The following TTYH3 variants were observed in gnomAD, a reference collection of about 807,000 sequenced individuals.
TTYH3 encodes the protein tweety family member 3.
Under a neutral mutation model 68.2 loss-of-function variants are expected in TTYH3, and 23 were observed. That is an observed-to-expected ratio of 0.34 (90% CI 0.24 to 0.48). The LOEUF (loss-of-function observed/expected upper bound fraction) is 0.48, where lower values mean the gene tolerates loss of function less well. Ranked by LOEUF, TTYH3 falls within the 20% of genes least tolerant of loss-of-function variation. The pLI is 0.99. For missense variants in TTYH3, 768 were observed against 727.7 expected, an observed-to-expected ratio of 1.06 and a Z score of -0.64; for synonymous variants, 360 against 332.8, an observed-to-expected ratio of 1.08 and a Z score of -0.89.
At position 2,661,962 on chromosome 7, in the gene TTYH3, TGCCAGCCGATGC is replaced by T; in HGVS notation, c.*224_*235del. 1.7e-6 allele frequency: 1 copy of T among 605,426 alleles called. No homozygotes were observed. The highest frequency in any genetic ancestry group is 2.9e-6 in the Non-Finnish European group (1 of 340,510). The allele number at this position is 605,426 out of a possible 1,614,324, so 37.5% of individuals were successfully genotyped here. A position where few individuals can be genotyped will look rare whatever the true frequency, so the allele number is the denominator to read the frequency against. On this transcript the variant is annotated 3_prime_UTR_variant, in exon 14 of 14. Transcript: ENST00000258796. ...AACTCGGGTCACACCTGAACGCTGC[TGCCAGCCGATGC>T]CCCAGCCCTGCACGCCACCCACTAT...
intron 1 of TTYH3, among the ~76,000 whole-genome samples, chr7:2,638,270 GGT>G (rs893086717): frequency 2.0e-5 from 3 of 152,132 alleles, no homozygotes; most frequent in African/African-American, 7.2e-5. Context: ...GGATTTTCCG[GGT>G]GTCACGCTGG....
chr7:2,639,023 C>G lies in TTYH3; in HGVS notation c.123+6745C>G, dbSNP rs867447327. Reference sequence around the variant, plus strand: ...CCTTTCCTGACCCTGGCCCAGGACACCTGGGGGGTTCTCACAGTGCTGGGG... The same window carrying G: ...CCTTTCCTGACCCTGGCCCAGGACAGCTGGGGGGTTCTCACAGTGCTGGGG... On this transcript the variant is annotated intron_variant, in intron 1 of 13. Coordinates refer to ENST00000258796, the MANE Select transcript of TTYH3 (RefSeq NM_025250.3). 6.6e-5 allele frequency among the ~76,000 whole-genome samples: 10 copies of G among 152,252 alleles called. 1 individual carries two copies. In the Middle Eastern group the frequency reaches 0.01, roughly 155 times the overall value.
intron 11 of TTYH3, among the ~76,000 whole-genome samples, 187 bp from the exon 12 acceptor site, chr7:2,658,099 C>T (rs573066590): frequency 3.3e-5 from 5 of 152,362 alleles, no homozygotes; most frequent in Admixed American, 2.6e-4. Context: ...CATAGCACCC[C>T]ACCTCGCAAG....
chr7:2,647,578 G>A lies in TTYH3; in HGVS notation c.566G>A (p.Arg189Lys). The change falls in exon 4 of 14, where the codon AGG becomes AAG. Residue 189 changes from arginine to lysine, a missense_variant. Transcript: ENST00000258796. ...TACACGGCCGCCATCCCCTTTTGGA[G>A]GAACACGGCGGTGTCGCTGGAGGTG... is the stretch of plus-strand genomic sequence containing the variant. ...LGYTAAIPFW[R>K]NTAVSLEVLA... is the part of the protein sequence containing the mutation. 2.5e-6 allele frequency: 4 copies of A among 1,571,608 alleles called. No homozygotes were observed. The highest frequency in any genetic ancestry group is 3.5e-6 in the Non-Finnish European group (4 of 1,159,392).
chr7:2,661,812 G>A lies in TTYH3; in HGVS notation c.*73G>A. ...TGCCAGCACTGCCGCTTCCACCTGG[G>A]CCACCCACCGGACCCTCGCACGCCG... is the stretch of plus-strand genomic sequence containing the variant. On this transcript the variant is annotated 3_prime_UTR_variant, in exon 14 of 14. Transcript: ENST00000258796. 2.0e-6 allele frequency: 3 copies of A among 1,499,300 alleles called. No individual in the cohort carries two copies. The South Asian group carries it at 3.6e-5, about 18-fold the overall frequency. The allele number at this position is 1,499,300 out of a possible 1,614,324, so 92.9% of individuals were successfully genotyped here.
In TTYH3 at chr7:2,656,189, G is replaced by A; in HGVS notation, c.1113+5G>A. ...GACTGCCGCAGCCTGCATCTGGTGA[G>A]AGGCAGGGCCTGGGACAGGGCCATG... is the stretch of plus-strand genomic sequence containing the variant. On this transcript the variant is annotated splice_donor_5th_base_variant and intron_variant, in intron 10 of 13. Coordinates refer to ENST00000258796, the MANE Select transcript of TTYH3 (RefSeq NM_025250.3). The A allele has an allele frequency of 6.4e-7, 1 of 1,563,882 alleles. No individual in the cohort carries two copies. Among genetic ancestry groups the A allele is most frequent in the Non-Finnish European group, 8.7e-7 (1 of 1,154,234 alleles).
In TTYH3 at chr7:2,661,955, A is replaced by G; in HGVS notation, c.*216A>G. On this transcript the variant is annotated 3_prime_UTR_variant, in exon 14 of 14. Coordinates refer to ENST00000258796, the MANE Select transcript of TTYH3 (RefSeq NM_025250.3). ...TACCGCCAACTCGGGTCACACCTGAACGCTGCTGCCAGCCGATGCCCCAGC... is the reference window on the plus strand; with the variant it reads ...TACCGCCAACTCGGGTCACACCTGAGCGCTGCTGCCAGCCGATGCCCCAGC... 1.6e-6 allele frequency: 1 copy of G among 611,450 alleles called. No individual in the cohort carries two copies. The highest frequency in any genetic ancestry group is 2.9e-6 in the Non-Finnish European group (1 of 344,976). The allele number at this position is 611,450 out of a possible 1,614,324, so 37.9% of individuals were successfully genotyped here.
At chr7:2,660,562 C>G (rs977980196) in intron 13 of TTYH3, 1 of 984,356 alleles carries the variant, frequency 1.0e-6, no homozygotes. Flanking sequence ...CCAGTCCCGC[C>G]CCGTCCCGCC....
chr7:2,661,803 T>G lies in TTYH3; in HGVS notation c.*64T>G. 1 of 1,531,046 alleles carries G rather than the reference T, an allele frequency of 6.5e-7. No individual in the cohort carries two copies. The highest frequency in any genetic ancestry group is 8.8e-7 in the Non-Finnish European group (1 of 1,132,166). 94.8% of individuals were successfully genotyped at this position (1,531,046 alleles called of 1,614,324 possible). A position where few individuals can be genotyped will look rare whatever the true frequency, so the allele number is the denominator to read the frequency against. ...CCCTCCCCGTGCCAGCACTGCCGCT[T>G]CCACCTGGGCCACCCACCGGACCCT... On this transcript the variant is annotated 3_prime_UTR_variant, in exon 14 of 14. Transcript: ENST00000258796.
At chr7:2,643,980 G>A (rs1264744298) in intron 1 of TTYH3, among the ~76,000 whole-genome samples, 3 of 152,180 alleles carry the variant, frequency 2.0e-5, no homozygotes, top group Non-Finnish European at 4.4e-5. Context: ...GGTCGGGGGA[G>A]CGAGGGTGAC....
At chr7:2,640,447 C>T (rs573991108) in intron 1 of TTYH3, among the ~76,000 whole-genome samples, 3 of 152,268 alleles carry the variant, frequency 2.0e-5, no homozygotes, top group African/African-American at 7.2e-5. Context: ...ACTTGCTGTG[C>T]ACCCTCCCGA....
chr7:2,652,902 C>T lies in TTYH3; in HGVS notation c.928-16C>T, dbSNP rs1786227435. On this transcript the variant is annotated splice_polypyrimidine_tract_variant and intron_variant, in intron 8 of 13. Transcript: ENST00000258796. ...ACCCAGCAGCGCCCATGGACTTGGT[C>T]TCCTCTCTGGAGCAGAAGCTGTCGG... 6.4e-7 allele frequency: 1 copy of T among 1,551,512 alleles called. No individual in the cohort carries two copies. Among genetic ancestry groups the T allele is most frequent in the Non-Finnish European group, 8.7e-7 (1 of 1,146,452 alleles).
intron 1 of TTYH3, among the ~76,000 whole-genome samples, chr7:2,642,360 G>A (rs778402167): frequency 1.3e-5 from 2 of 152,010 alleles, no homozygotes; most frequent in African/African-American, 4.8e-5. Flanking sequence ...GGCCAACGTG[G>A]TGAACTCCCC....
intron 1 of TTYH3, among the ~76,000 whole-genome samples, chr7:2,639,337 T>C (rs1785766162): frequency 6.6e-6 from 1 of 152,214 alleles, no homozygotes; most frequent in Non-Finnish European, 1.5e-5. Context: ...CTGGACCCTG[T>C]GCCAGGCCTT....
intron 7 of TTYH3, 85 bp from the exon 8 acceptor site, chr7:2,652,102 A>G (rs35868808): frequency 0.25 from 286,554 of 1,154,752 alleles, 36,431 homozygotes; most frequent in African/African-American, 0.29. Context: ...TGCCCTGAAG[A>G]TATGCGTGCA....
chr7:2,650,350 G>A (rs989318588), intron 7 of TTYH3, among the ~76,000 whole-genome samples: 1 of 152,162 alleles, frequency 6.6e-6, no homozygotes, highest in African/African-American at 2.4e-5. Flanking sequence ...GGCCGAGGCG[G>A]GTGGATCACC....
rs1786576644 is a variant in TTYH3, at chr7:2,664,782, AAAAT to A, written c.*3048_*3051del. 1 of 152,094 alleles carries A rather than the reference AAAAT, an allele frequency of 6.6e-6. No homozygotes were observed. The highest frequency in any genetic ancestry group is 1.9e-4 in the East Asian group (1 of 5,248). The allele number at this position is 152,094 out of a possible 1,614,324, so 9.4% of individuals were successfully genotyped here. Reference sequence around the variant, plus strand: ...CTATTCAGCTTGGGTTTCATGTTTTAAAATAAATTTTAAAAAGCAAGCCTCTCTT... The same window carrying A: ...CTATTCAGCTTGGGTTTCATGTTTTAAAATTTTAAAAAGCAAGCCTCTCTT... On this transcript the variant is annotated 3_prime_UTR_variant, in exon 14 of 14. Coordinates refer to ENST00000258796, the MANE Select transcript of TTYH3 (RefSeq NM_025250.3).
chr7:2,660,089 C>G, intron 13 of TTYH3: 2 of 1,280,964 alleles, frequency 1.6e-6, no homozygotes, highest in Non-Finnish European at 2.1e-6. Flanking sequence ...GCCTGCGCCT[C>G]CCGCCTCCAC....
At chr7:2,639,438 C>G (rs566726984) in intron 1 of TTYH3, among the ~76,000 whole-genome samples, 2 of 152,232 alleles carry the variant, frequency 1.3e-5, no homozygotes, top group Non-Finnish European at 2.9e-5. Context: ...GTGACCGCCT[C>G]ATTCCTCTTC....
Sources: allele counts gnomAD v4.1 joint callset (sites outside exome capture counted in the v4.1 genomes callset), GRCh38; gene constraint gnomAD v4.1.1; transcripts MANE v1.5; gene names NCBI Gene and HGNC (gene_info 2026-07-23, HGNC 2026-07-21).